Variants in MED12L observed in about 807,000 individuals in gnomAD.
MED12L encodes mediator complex subunit 12L.
A neutral mutation model predicts 281.3 loss-of-function variants in MED12L; 60 were observed. The ratio of observed to expected loss-of-function variants is 0.21; its 90% CI spans 0.17 to 0.26. The LOEUF (loss-of-function observed/expected upper bound fraction) is 0.26, where lower values mean the gene tolerates loss of function less well. MED12L is among the 10% of genes least tolerant of loss of function. The probability of loss-of-function intolerance (pLI) is 1.00; values close to 1 mark genes in which losing one functional copy is unlikely to be tolerated. For synonymous variants in MED12L, 974 were observed against 987.2 expected (o/e 0.99, Z 0.25); for missense variants, 2,146 against 2,680.9 (o/e 0.80, Z 4.41).
intron 16 of MED12L, chr3:151,327,320 A>T (rs1352820266): frequency 6.6e-6 from 1 of 152,228 alleles, no homozygotes; most frequent in Non-Finnish European, 1.5e-5. Context: ...AAGAATAGTT[A>T]ACACAGCATT....
chr3:151,189,554 G>A (rs552411083), intron 13 of MED12L, among the ~76,000 whole-genome samples: 1 of 152,176 alleles, frequency 6.6e-6, no homozygotes, highest in Non-Finnish European at 1.5e-5. Context: ...CCTTACTCCT[G>A]TGTCTTTGCT....
intron 16 of MED12L, among the ~76,000 whole-genome samples, chr3:151,282,365 TTTG>T (rs1419871768): frequency 5.3e-5 from 8 of 150,158 alleles, no homozygotes; most frequent in Non-Finnish European, 1.0e-4. Flanking sequence ...TTTGTTTTTT[TTTG>T]TTTGTTTGTT....
At chr3:151,214,456 C>A in intron 16 of MED12L, 2 of 644,190 alleles carry the variant, frequency 3.1e-6, no homozygotes, top group Middle Eastern at 4.2e-4. Context: ...TTTGAAGCCA[C>A]CTTTTTACTC....
intron 11 of MED12L, among the ~76,000 whole-genome samples, chr3:151,180,776 A>AGGACC (rs1675842988): frequency 6.6e-6 from 1 of 152,224 alleles, no homozygotes; most frequent in Admixed American, 6.5e-5. Context: ...GAAATTATCA[A>AGGACC]GGACCCAACT....
intron 2 of MED12L, among the ~76,000 whole-genome samples, chr3:151,115,508 C>G (rs988255011): frequency 6.6e-6 from 1 of 151,286 alleles, no homozygotes; most frequent in Non-Finnish European, 1.5e-5. Context: ...GCCACCACGC[C>G]CAGCTAATTT....
At chr3:151,312,837 C>T (rs1032205066) in intron 16 of MED12L, among the ~76,000 whole-genome samples, 1 of 152,214 alleles carries the variant, frequency 6.6e-6, no homozygotes, top group Non-Finnish European at 1.5e-5. Flanking sequence ...GTGCCGCCTT[C>T]TTCTGTAAAA....
At chr3:151,408,017 A>C (rs983326448) in intron 39 of MED12L, among the ~76,000 whole-genome samples, 2 of 152,214 alleles carry the variant, frequency 1.3e-5, no homozygotes, top group African/African-American at 4.8e-5. Flanking sequence ...ATAAGCACCA[A>C]ATAAGTATTT....
At chr3:151,229,378 G>A (rs1244331924) in intron 16 of MED12L, among the ~76,000 whole-genome samples, 1 of 141,766 alleles carries the variant, frequency 7.1e-6, no homozygotes, top group South Asian at 2.2e-4. Flanking sequence ...CGTGATCTCC[G>A]CTCACTGCAA....
intron 16 of MED12L, among the ~76,000 whole-genome samples, chr3:151,262,862 C>T (rs561886448): frequency 2.0e-5 from 3 of 152,222 alleles, no homozygotes; most frequent in Admixed American, 6.5e-5. Flanking sequence ...GTCCTGTTAA[C>T]GTCTCCTCAG....
At chr3:151,425,157 AG>A (rs2108449389) in intron 43 of MED12L, among the ~76,000 whole-genome samples, 2 of 152,338 alleles carry the variant, frequency 1.3e-5, no homozygotes, top group South Asian at 4.1e-4. Flanking sequence ...AGACCATCTG[AG>A]CATCGGTAGG....
chr3:151,192,906 C>A (rs979648833), intron 15 of MED12L, among the ~76,000 whole-genome samples: 2 of 152,180 alleles, frequency 1.3e-5, no homozygotes, highest in African/African-American at 4.8e-5. Context: ...TTGAGCTCAT[C>A]ATCATCTCAT....
At chr3:151,141,187 G>GTTTTTTT (rs76965310) in intron 5 of MED12L, among the ~76,000 whole-genome samples, 18 of 99,110 alleles carry the variant, frequency 1.8e-4, no homozygotes, top group African/African-American at 6.7e-4. Context: ...TGTTTTTTTT[G>GTTTTTTT]TTTTTTTTTT....
intron 16 of MED12L, among the ~76,000 whole-genome samples, chr3:151,309,581 C>A (rs116196352): frequency 1.3e-5 from 2 of 152,302 alleles, no homozygotes; most frequent in Non-Finnish European, 2.9e-5. Flanking sequence ...TAGGCAAGCT[C>A]CCTATACCGC....
intron 39 of MED12L, among the ~76,000 whole-genome samples, chr3:151,397,265 C>G (rs1341157048): frequency 6.6e-6 from 1 of 152,198 alleles, no homozygotes; most frequent in African/African-American, 2.4e-5. Flanking sequence ...TGAAACTTAA[C>G]TATGGAGTCT....
chr3:151,167,808 T>G (rs944887204), intron 11 of MED12L, among the ~76,000 whole-genome samples: 3 of 152,204 alleles, frequency 2.0e-5, no homozygotes, highest in Non-Finnish European at 4.4e-5. Flanking sequence ...CTTTCTTAGA[T>G]AAAAGACTTC....
At chr3:151,148,002 T>C (rs1192706917) in intron 5 of MED12L, among the ~76,000 whole-genome samples, 1 of 152,230 alleles carries the variant, frequency 6.6e-6, no homozygotes, top group African/African-American at 2.4e-5. Flanking sequence ...CACCTGAGGA[T>C]TTCAGTTTCT....
chr3:151,393,732 T>A lies in MED12L; in HGVS notation c.5609-924T>A, dbSNP rs557386800. Among the ~76,000 whole-genome samples, 532 of 152,320 alleles carry A rather than the reference T, an allele frequency of 3.5e-3. 4 individuals carry two copies. Among genetic ancestry groups the A allele is most frequent in the African/African-American group, 0.012 (517 of 41,562 alleles). On this transcript the variant is annotated intron_variant, in intron 38 of 44. Transcript: ENST00000687756. ...TCATAGTGAGTTTGGTGTCCCAAGA[T>A]TTTTAGTTTCCTTTCACAACTTCAT...
chr3:151,319,471 G>GCA (rs1216840661), intron 16 of MED12L, among the ~76,000 whole-genome samples: 1 of 48,228 alleles, frequency 2.1e-5, no homozygotes, highest in East Asian at 4.7e-4. Context: ...GTGTGTGCGT[G>GCA]TGTGTGTGTG....
chr3:151,430,817 C>T (rs2108484401), intron 44 of MED12L, among the ~76,000 whole-genome samples: 1 of 102,406 alleles, frequency 9.8e-6, no homozygotes, highest in South Asian at 2.9e-4. Flanking sequence ...ATGTTCTTAC[C>T]ACTGCACCAT....
Sources: allele counts gnomAD v4.1 joint callset (sites outside exome capture counted in the v4.1 genomes callset), GRCh38; gene constraint gnomAD v4.1.1; transcripts MANE v1.5; gene names NCBI Gene and HGNC (gene_info 2026-07-23, HGNC 2026-07-21).